PYGM: variants seen among roughly 807,000 people sequenced by gnomAD.
PYGM encodes the protein glycogen phosphorylase, muscle associated.
In PYGM, 81 loss-of-function variants were observed where a neutral mutation model predicts 99.3. The ratio of observed to expected loss-of-function variants is 0.82; its 90% CI spans 0.68 to 0.98. The LOEUF (loss-of-function observed/expected upper bound fraction) is 0.98. Among genes scored for constraint, PYGM ranks in the 50% least tolerant of loss-of-function variants. The pLI, the probability that PYGM is intolerant of heterozygous loss-of-function variation, is 0.00. For missense variants in PYGM, 1,030 were observed against 1,158.1 expected, an observed-to-expected ratio of 0.89 and a Z score of 1.61; for synonymous variants, 436 against 451.5, an observed-to-expected ratio of 0.97 and a Z score of 0.44.
rs2058385675 is a variant in PYGM at position 64,755,164 on chromosome 11, A to G, written c.855+109T>C. On this transcript the variant is annotated intron_variant, in intron 7 of 19. Transcript: ENST00000164139. This position sits in a 1 kb window ranked among gnomAD's most constrained non-coding sequence, Gnocchi z 4.1. ...GGGCACAGGATGCACAAGGCCAGCA[A>G]TATGCCCTGGGTGTGACTAGGGCAC... is the stretch of plus-strand genomic sequence containing the variant. 3.2e-6 allele frequency: 4 copies of G among 1,266,312 alleles called. No individual in the cohort carries two copies. Among genetic ancestry groups the G allele is most frequent in the East Asian group, 2.3e-5 (1 of 43,130 alleles). 78.4% of individuals were successfully genotyped at this position (1,266,312 alleles called of 1,614,324 possible).
chr11:64,752,002 A>C lies in PYGM; in HGVS notation c.1690T>G (p.Phe564Val). Residue 564 changes from phenylalanine to valine, a missense_variant, in exon 14 of 20, where the codon TTC becomes GTC. Phe to Val is a conservative substitution (Grantham distance 50, BLOSUM62 -1). Coordinates refer to ENST00000164139, the MANE Select transcript of PYGM (RefSeq NM_005609.4). ...TGAATCCGCTTCACCTGGATGTCGA[A>C]GAGTGAGTTGGGGTTGATGTGGACT... ...YKVHINPNSLFDIQVKRIHEY... is the reference protein window; with the variant it reads ...YKVHINPNSLVDIQVKRIHEY... 6.2e-7 allele frequency: 1 copy of C among 1,614,152 alleles called. No homozygotes were observed. Among genetic ancestry groups the C allele is most frequent in the Non-Finnish European group, 8.5e-7 (1 of 1,180,022 alleles).
Position 64,755,487 on chromosome 11 carries a change from G to C in PYGM, c.732C>G (p.Leu244=), listed in dbSNP as rs542897023. 1 of 1,614,190 alleles carries C rather than the reference G, an allele frequency of 6.2e-7. No individual in the cohort carries two copies. The highest frequency in any genetic ancestry group is 1.1e-5 in the South Asian group (1 of 91,088). Residue 244 remains leucine (L), a synonymous_variant, in exon 6 of 20, where the codon CTC becomes CTG. Transcript: ENST00000164139. The surrounding 1 kb of genome is among the most constrained non-coding windows in gnomAD (Gnocchi z 4.1). ...AGTCATTGGGAGCCTTGGCAGACCA[G>C]AGGCGCATGGTGTTGACAACATTGT... ...YRNNVVNTMR[L]WSAKAPNDFN... is the part of the protein sequence containing the mutation.
At chr11:64,757,943 G>A (rs557008386) in intron 4 of PYGM, 33 bp from the exon 5 acceptor site, 4 of 1,612,944 alleles carry the variant, frequency 2.5e-6, no homozygotes, top group Non-Finnish European at 3.4e-6. Context: ...AGAAAGGCCA[G>A]CAGTATCAGT....
chr11:64,755,647 C>T lies in PYGM; in HGVS notation c.661-89G>A, dbSNP rs1037572949. ...TGGGACTCAAGGCTTTATCCCTGCA[C>T]TCTGCAGACCCAGGCTCTTGTCCTT... On this transcript the variant is annotated intron_variant, in intron 5 of 19. Coordinates refer to ENST00000164139, the MANE Select transcript of PYGM (RefSeq NM_005609.4). The surrounding 1 kb of genome is among the most constrained non-coding windows in gnomAD (Gnocchi z 4.1). 1 of 967,228 alleles carries T rather than the reference C, an allele frequency of 1.0e-6. No individual in the cohort carries two copies. Among genetic ancestry groups the T allele is most frequent in the Non-Finnish European group, 1.6e-6 (1 of 617,508 alleles). The allele number at this position is 967,228 out of a possible 1,614,324, so 59.9% of individuals were successfully genotyped here. A position where few individuals can be genotyped will look rare whatever the true frequency, so the allele number is the denominator to read the frequency against.
chr11:64,751,372 A>T lies in PYGM; in HGVS notation c.1922T>A (p.Leu641His). 6.2e-7 allele frequency: 1 copy of T among 1,614,150 alleles called. No individual in the cohort carries two copies. The highest frequency in any genetic ancestry group is 8.5e-7 in the Non-Finnish European group (1 of 1,180,028). The change falls in exon 16 of 20, where the codon CTC (leucine) becomes CAC (histidine). Residue 641 changes from leucine to histidine, a missense_variant. Physicochemically the swap from Leu to His is moderately conservative, Grantham distance 99 (BLOSUM62 -3). Transcript: ENST00000164139. ...VNHDPAVGDR[L>H]RVIFLENYRV... ...GTAGTTCTCCAGGAAGATGACACGG[A>T]GGCGGTCACCCACTGCCGGGTCATG...
chr11:64,751,323 A>C lies in PYGM; in HGVS notation c.1969+2T>G, dbSNP rs2058353993. The C allele has an allele frequency of 1.2e-6, 2 of 1,613,956 alleles. No homozygotes were observed. Among genetic ancestry groups the C allele is most frequent in the South Asian group, 2.2e-5 (2 of 91,086 alleles). On this transcript the variant is annotated splice_donor_variant, in intron 16 of 19. Coordinates refer to ENST00000164139, the MANE Select transcript of PYGM (RefSeq NM_005609.4). LOFTEE classifies it high-confidence loss of function. ...CCTAGGGTCCCTGTTGGCAGCACCC[A>C]CCTTTCTCGGCCAGTGAGACTCGGT...
rs1489442842 is a variant in PYGM at position 64,753,516 on chromosome 11, C to CA, written c.1403+2dup. The CA allele has an allele frequency of 1.9e-6, 3 of 1,585,820 alleles. No homozygotes were observed. In the African/African-American group the frequency reaches 4.0e-5, roughly 21 times the overall value. On this transcript the variant is annotated splice_region_variant and intron_variant, in intron 11 of 19. Coordinates refer to ENST00000164139, the MANE Select transcript of PYGM (RefSeq NM_005609.4). ...GGGGCGGGATCTGGAAAGCGGGGCTCACATGGTCTTCTTGAGGATCTCGGA... is the reference window on the plus strand; with the variant it reads ...GGGGCGGGATCTGGAAAGCGGGGCTCAACATGGTCTTCTTGAGGATCTCGGA...
Position 64,754,695 on chromosome 11 carries a change from T to C in PYGM, c.997A>G (p.Lys333Glu). The change falls in exon 8 of 20, where the codon AAG (lysine) becomes GAG (glutamate). Residue 333 changes from lysine to glutamate, a missense_variant and splice_region_variant. Transcript: ENST00000164139. This position sits in a 1 kb window ranked among gnomAD's most constrained non-coding sequence, Gnocchi z 5.5. ...GTCGCCCTCCACACGCATGGTACCTTATCTGGGAAGGCATCGAAGTTCGTG... is the reference window on the plus strand; with the variant it reads ...GTCGCCCTCCACACGCATGGTACCTCATCTGGGAAGGCATCGAAGTTCGTG... Reference protein sequence around the residue: ...VRTNFDAFPDKVAIQLNDTHP... With the variant: ...VRTNFDAFPDEVAIQLNDTHP... The C allele has an allele frequency of 6.2e-7, 1 of 1,613,370 alleles. No homozygotes were observed. Among genetic ancestry groups the C allele is most frequent in the East Asian group, 2.2e-5 (1 of 44,864 alleles).
rs760213251 is a variant in PYGM, at chr11:64,758,406, C to T, written c.424+31G>A. ...ACCCAGCAAGGAGGACCCCATCGGC[C>T]CACTCCACCCTCACGGCCCTGTCTT... On this transcript the variant is annotated intron_variant, in intron 3 of 19. Transcript: ENST00000164139. 1.9e-6 allele frequency: 3 copies of T among 1,613,424 alleles called. No individual in the cohort carries two copies. The South Asian group carries it at 3.3e-5, about 18-fold the overall frequency.
In PYGM at chr11:64,755,252, C is replaced by T. The variant is rs374808256; in HGVS notation, c.855+21G>A. ...TGCCAAGGACTCAGGCTTCCAGCCC[C>T]CAGCCCAGGGGGTGACGCACATTAT... is the stretch of plus-strand genomic sequence containing the variant. On this transcript the variant is annotated intron_variant, in intron 7 of 19. Transcript: ENST00000164139. This position sits in a 1 kb window ranked among gnomAD's most constrained non-coding sequence, Gnocchi z 4.1. 6.2e-7 allele frequency: 1 copy of T among 1,611,934 alleles called. No homozygotes were observed. The highest frequency in any genetic ancestry group is 1.3e-5 in the African/African-American group (1 of 74,866).
intron 11 of PYGM, 21 bp downstream of exon 11, chr11:64,753,498 G>A: frequency 1.3e-6 from 2 of 1,570,302 alleles, no homozygotes; most frequent in Non-Finnish European, 1.7e-6. Context: ...AGAGGGGCGG[G>A]ATCTGGAAAG....
Position 64,758,000 on chromosome 11 carries a change from G to A in PYGM, c.529-90C>T, listed in dbSNP as rs1026658683. On this transcript the variant is annotated intron_variant, in intron 4 of 19. Coordinates refer to ENST00000164139, the MANE Select transcript of PYGM (RefSeq NM_005609.4). The stretch of plus-strand genomic sequence containing the variant: ...TGGGGCAGGGTGGGGGCCGTGGGCC[G>A]GTGTACCCTACACCAAGTATAAGTC... 3.3e-5 allele frequency: 51 copies of A among 1,563,514 alleles called. 1 individual carries two copies. In the Admixed American group the frequency reaches 5.8e-4, roughly 18 times the overall value.
intron 17 of PYGM, chr11:64,748,441 T>C (rs1417253374): frequency 6.6e-6 from 1 of 152,190 alleles, no homozygotes; most frequent in East Asian, 1.9e-4. Context: ...GAAGCTGTTG[T>C]GGGAGTGTAA....
In PYGM at chr11:64,755,175, G is replaced by A. The variant is rs923000958; in HGVS notation, c.855+98C>T. ...GCACAAGGCCAGCAATATGCCCTGG[G>A]TGTGACTAGGGCACCAGCAAGTGTC... On this transcript the variant is annotated intron_variant, in intron 7 of 19. Coordinates refer to ENST00000164139, the MANE Select transcript of PYGM (RefSeq NM_005609.4). This position sits in a 1 kb window ranked among gnomAD's most constrained non-coding sequence, Gnocchi z 4.1. 1.3e-5 allele frequency: 17 copies of A among 1,325,622 alleles called. No homozygotes were observed. The highest frequency in any genetic ancestry group is 2.3e-4 in the Middle Eastern group (1 of 4,444). 82.1% of individuals were successfully genotyped at this position (1,325,622 alleles called of 1,614,324 possible). A position where few individuals can be genotyped will look rare whatever the true frequency, so the allele number is the denominator to read the frequency against.
intron 4 of PYGM, 53 bp downstream of exon 4, chr11:64,758,193 G>T: frequency 6.5e-7 from 1 of 1,540,218 alleles, no homozygotes; most frequent in Admixed American, 1.7e-5. Flanking sequence ...TAAACAAGTG[G>T]GGGTCTTCCC....
At chr11:64,749,381 G>A (rs2058337478) in intron 17 of PYGM, among the ~76,000 whole-genome samples, 2 of 147,782 alleles carry the variant, frequency 1.4e-5, no homozygotes, top group Admixed American at 6.8e-5. Context: ...AGTGGCTCAC[G>A]CCTGTAATCC....
rs1470391844 is a variant in PYGM at position 64,756,697 on chromosome 11, C to A, written c.660+1082G>T. On this transcript the variant is annotated intron_variant, in intron 5 of 19. Transcript: ENST00000164139. ...TGAACTCCTGACCTCAGGTGATCCA[C>A]CTGCCTTGGCCTCCCAAAGTGCTGA... 3.9e-5 allele frequency among the ~76,000 whole-genome samples: 6 copies of A among 152,344 alleles called. No individual in the cohort carries two copies. In the East Asian group the frequency reaches 1.2e-3, roughly 29 times the overall value.
At chr11:64,749,262 G>A (rs2058336250) in intron 17 of PYGM, among the ~76,000 whole-genome samples, 2 of 152,014 alleles carry the variant, frequency 1.3e-5, no homozygotes, top group Admixed American at 1.3e-4. Flanking sequence ...CAGGAGAATC[G>A]CTTGTACCCG....
Position 64,753,154 on chromosome 11 carries a change from C to T in PYGM, c.1437G>A (p.Lys479=), listed in dbSNP as rs2058368149. 8 of 1,613,830 alleles carry T rather than the reference C, an allele frequency of 5.0e-6. No homozygotes were observed. The highest frequency in any genetic ancestry group is 6.8e-6 in the Non-Finnish European group (8 of 1,179,720). ...TGATGCCGTTGGTCTTATTCTGGAACTTATGAGGCTCCAGCTCATAGAAGT... is the reference window on the plus strand; with the variant it reads ...TGATGCCGTTGGTCTTATTCTGGAATTTATGAGGCTCCAGCTCATAGAAGT... ...FKDFYELEPH[K]FQNKTNGITP... is the part of the protein sequence containing the mutation. The change falls in exon 12 of 20, where the codon AAG becomes AAA. Residue 479 remains lysine, a synonymous_variant. Coordinates refer to ENST00000164139, the MANE Select transcript of PYGM (RefSeq NM_005609.4).
Sources: gnomAD v4.1 joint callset for allele counts (sites outside exome capture counted in the v4.1 genomes callset) on GRCh38, gnomAD v4.1.1 for gene constraint, Gnocchi (gnomAD v3.1) non-coding constraint, MANE v1.5 for transcripts, NCBI Gene and HGNC (gene_info 2026-07-23, HGNC 2026-07-21) for gene names.